Variants in ULK4 observed in about 807,000 individuals in gnomAD.
The protein encoded by ULK4 is unc-51 like kinase 4.
A neutral mutation model predicts 160.6 loss-of-function variants in ULK4; 133 were observed. The observed-to-expected ratio is 0.83, with a 90% CI of 0.72 to 0.96. ULK4 has a LOEUF of 0.96. Ranked by LOEUF, ULK4 falls within the 40% of genes least tolerant of loss-of-function variation. The pLI, the probability that ULK4 is intolerant of heterozygous loss-of-function variation, is 0.00. For missense variants in ULK4, 1,580 were observed against 1,499.5 expected (o/e 1.05, Z -0.89); for synonymous variants, 534 against 539.8 (o/e 0.99, Z 0.15).
intron 35 of ULK4, among the ~76,000 whole-genome samples, chr3:41,279,268 A>AC (rs2079301687): frequency 6.9e-6 from 1 of 145,356 alleles, no homozygotes; most frequent in African/African-American, 2.7e-5. Flanking sequence ...AAAAAAAAAA[A>AC]AAAAAAACAA....
chr3:41,802,645 T>A (rs573277929), intron 19 of ULK4, among the ~76,000 whole-genome samples: 2 of 152,234 alleles, frequency 1.3e-5, no homozygotes, highest in East Asian at 3.9e-4. Flanking sequence ...ATTGTGAGCT[T>A]TATAACATAT....
chr3:41,491,747 A>G (rs905018291), intron 32 of ULK4, among the ~76,000 whole-genome samples: 7 of 151,584 alleles, frequency 4.6e-5, no homozygotes, highest in Admixed American at 3.3e-4. Context: ...AATTATTATT[A>G]TACTTTAAGT....
chr3:41,287,444 G>A (rs138080680), intron 35 of ULK4, among the ~76,000 whole-genome samples: 241 of 152,318 alleles, frequency 1.6e-3, no homozygotes, highest in Non-Finnish European at 2.6e-3. Context: ...GGATTCGTCT[G>A]TGAATGGAAT....
intron 19 of ULK4, among the ~76,000 whole-genome samples, chr3:41,802,973 T>C (rs1228728541): frequency 6.6e-6 from 1 of 152,162 alleles, no homozygotes; most frequent in Non-Finnish European, 1.5e-5. Context: ...AAGACCAGCC[T>C]GTCCAATATG....
At chr3:41,282,272 C>T (rs1575391820) in intron 35 of ULK4, among the ~76,000 whole-genome samples, 1 of 152,138 alleles carries the variant, frequency 6.6e-6, no homozygotes, top group Admixed American at 6.5e-5. Context: ...AGCTACCAGA[C>T]TTTCTTCACA....
intron 21 of ULK4, among the ~76,000 whole-genome samples, chr3:41,760,617 T>C (rs2038954892): frequency 6.6e-6 from 1 of 152,174 alleles, no homozygotes; most frequent in South Asian, 2.1e-4. Context: ...CAAACTTTGT[T>C]TCATGCACTG....
intron 25 of ULK4, among the ~76,000 whole-genome samples, chr3:41,708,120 T>A (rs2036968067): frequency 1.3e-5 from 2 of 149,812 alleles, no homozygotes; most frequent in Non-Finnish European, 3.0e-5. Flanking sequence ...TTCAAAAAAA[T>A]TAAAAATATA....
intron 29 of ULK4, among the ~76,000 whole-genome samples, chr3:41,670,674 A>G (rs749293028): frequency 6.6e-6 from 1 of 152,064 alleles, no homozygotes; most frequent in Non-Finnish European, 1.5e-5. Context: ...GTACTTCAAA[A>G]TAAGTGTTAA....
intron 30 of ULK4, among the ~76,000 whole-genome samples, chr3:41,656,318 G>A (rs1322833664): frequency 1.3e-5 from 2 of 151,908 alleles, no homozygotes; most frequent in Non-Finnish European, 2.9e-5. Flanking sequence ...TTTTCCAGGG[G>A]GAGGGAATTT....
Position 41,819,438 on chromosome 3 carries a change from C to A in ULK4, c.1833G>T (p.Arg611Ser), listed in dbSNP as rs778027508. 1.9e-6 allele frequency: 3 copies of A among 1,613,750 alleles called. No homozygotes were observed. Among genetic ancestry groups the A allele is most frequent in the Non-Finnish European group, 2.5e-6 (3 of 1,179,864 alleles). ...GGAGCCTTACCCCTTCCCGAAGGCA[C>A]CTCATTAGCACTGTGTATGCAGCCA... The part of the protein sequence containing the change: ...VPLAAYTVLM[R>S]CLREGEERVV... The change falls in exon 19 of 37, where the codon AGG (arginine) becomes AGT (serine). Residue 611 changes from arginine (R) to serine (S), a missense_variant. Coordinates refer to ENST00000301831, the MANE Select transcript of ULK4 (RefSeq NM_017886.4).
At chr3:41,541,732 G>A (rs1245363615) in intron 32 of ULK4, among the ~76,000 whole-genome samples, 2 of 152,114 alleles carry the variant, frequency 1.3e-5, no homozygotes, top group East Asian at 1.9e-4. Context: ...TCTCCTTGAA[G>A]AGGACCTTCA....
intron 32 of ULK4, among the ~76,000 whole-genome samples, chr3:41,502,224 T>A (rs112229066): frequency 6.6e-6 from 1 of 152,240 alleles, no homozygotes; most frequent in African/African-American, 2.4e-5. Context: ...AGAAGTAGAA[T>A]TGCTGGATGA....
intron 32 of ULK4, among the ~76,000 whole-genome samples, chr3:41,507,690 T>C (rs968022135): frequency 7.3e-5 from 11 of 150,890 alleles, no homozygotes; most frequent in Non-Finnish European, 1.0e-4. Flanking sequence ...TTTAGAAATA[T>C]TGCAGAAAAG....
chr3:41,254,106 C>A (rs142925196), intron 35 of ULK4, among the ~76,000 whole-genome samples: 3 of 152,118 alleles, frequency 2.0e-5, no homozygotes, highest in Non-Finnish European at 1.5e-5. Flanking sequence ...AAAATCAGCA[C>A]GGATACAGAA....
intron 34 of ULK4, among the ~76,000 whole-genome samples, chr3:41,441,775 T>C (rs1164497676): frequency 1.3e-5 from 2 of 152,184 alleles, no homozygotes; most frequent in African/African-American, 4.8e-5. Context: ...CTATCAATTA[T>C]TAACAAACGG....
chr3:41,683,561 C>A (rs1203987776), intron 27 of ULK4, among the ~76,000 whole-genome samples: 2 of 151,570 alleles, frequency 1.3e-5, no homozygotes, highest in Non-Finnish European at 2.9e-5. Context: ...TCACAACCCA[C>A]CCCAGACAAT....
intron 12 of ULK4, among the ~76,000 whole-genome samples, chr3:41,906,748 A>G (rs1698577286): frequency 1.3e-5 from 2 of 152,230 alleles, no homozygotes; most frequent in African/African-American, 4.8e-5. Context: ...TAATCCCAGC[A>G]CTATGGGAGG....
At chr3:41,820,373 C>T (rs535052107) in intron 18 of ULK4, among the ~76,000 whole-genome samples, 1 of 152,208 alleles carries the variant, frequency 6.6e-6, no homozygotes, top group African/African-American at 2.4e-5. Context: ...ATATATTCAT[C>T]GTAGCACTAT....
chr3:41,722,350 C>G (rs975379850), intron 22 of ULK4, among the ~76,000 whole-genome samples: 2 of 152,086 alleles, frequency 1.3e-5, no homozygotes, highest in Non-Finnish European at 2.9e-5. Flanking sequence ...AAAGACAGAC[C>G]GGGCGCAGTG....
Sources: allele counts gnomAD v4.1 joint callset (sites outside exome capture counted in the v4.1 genomes callset), GRCh38; gene constraint gnomAD v4.1.1; transcripts MANE v1.5; gene names NCBI Gene and HGNC (gene_info 2026-07-23, HGNC 2026-07-21).